Variants in MON2 observed in about 807,000 individuals in gnomAD.
The protein encoded by MON2 is MON2 regulator of endosome-to-Golgi trafficking.
A neutral mutation model predicts 208.6 loss-of-function variants in MON2; 84 were observed. The ratio of observed to expected loss-of-function variants is 0.40; its 90% CI spans 0.34 to 0.48. The LOEUF (loss-of-function observed/expected upper bound fraction) is 0.48, where lower values mean the gene tolerates loss of function less well. MON2 is among the 20% of genes least tolerant of loss of function. The pLI is 0.59. For synonymous variants in MON2, 660 were observed against 694.0 expected (o/e 0.95, Z 0.77); for missense variants, 1,611 against 2,015.4 (o/e 0.80, Z 3.84).
chr12:62,568,514 T>A (rs1359827917), intron 29 of MON2, among the ~76,000 whole-genome samples: 1 of 152,100 alleles, frequency 6.6e-6, no homozygotes, highest in Admixed American at 6.6e-5. Context: ...GATTTTTAAA[T>A]TTTTTATAGA....
rs1280781511 is a variant in MON2, at chr12:62,506,784, G to A, written c.790-1502G>A. Among the ~76,000 whole-genome samples the A allele has an allele frequency of 2.0e-5, 3 of 151,798 alleles. No homozygotes were observed. The East Asian group carries it at 5.8e-4, about 29-fold the overall frequency. The stretch of plus-strand genomic sequence containing the variant: ...TGATTCTGAGCAAACAACCTGCTCT[G>A]TGCCTTATTTTCCTTCTCTGTAAGA... On this transcript the variant is annotated intron_variant, in intron 7 of 34. Coordinates refer to ENST00000393630, the MANE Select transcript of MON2 (RefSeq NM_015026.3).
intron 29 of MON2, among the ~76,000 whole-genome samples, chr12:62,569,577 C>A (rs2074509712): frequency 1.3e-5 from 2 of 152,180 alleles, no homozygotes; most frequent in African/African-American, 2.4e-5. Context: ...TTCCTGCATA[C>A]ACACATTCAC....
intron 8 of MON2, 160 bp downstream of exon 8, chr12:62,508,640 C>CT (rs1368066365): frequency 6.6e-6 from 4 of 606,404 alleles, no homozygotes; most frequent in Non-Finnish European, 1.2e-5. Flanking sequence ...TTGTTCTATC[C>CT]TTTCTTGAAT....
chr12:62,529,220 A>G (rs75561492), intron 11 of MON2, among the ~76,000 whole-genome samples: 70 of 152,338 alleles, frequency 4.6e-4, no homozygotes, highest in Non-Finnish European at 8.8e-4. Flanking sequence ...TTAAAAGCTC[A>G]AGAGTTGACA....
chr12:62,532,566 T>A lies in MON2; in HGVS notation c.1529T>A (p.Leu510His). The change falls in exon 12 of 35, where the codon CTT becomes CAT. Residue 510 changes from leucine (L) to histidine (H), a missense_variant. Coordinates refer to ENST00000393630, the MANE Select transcript of MON2 (RefSeq NM_015026.3). ...TSMIEGELGE[L>H]ETECQTTTEE... ...ATGATTGAAGGAGAGCTAGGAGAGCTTGAAACAGAATGTCAAACCACCACT... is the reference window on the plus strand; with the variant it reads ...ATGATTGAAGGAGAGCTAGGAGAGCATGAAACAGAATGTCAAACCACCACT... The A allele has an allele frequency of 6.2e-7, 1 of 1,614,084 alleles. No individual in the cohort carries two copies. Among genetic ancestry groups the A allele is most frequent in the Non-Finnish European group, 8.5e-7 (1 of 1,179,976 alleles).
At chr12:62,480,132 T>C (rs972338427) in intron 1 of MON2, among the ~76,000 whole-genome samples, 1 of 152,222 alleles carries the variant, frequency 6.6e-6, no homozygotes, top group African/African-American at 2.4e-5. Flanking sequence ...TAGAAACTTG[T>C]ATGTTAAAAA....
chr12:62,558,859 G>A (rs1218704157), intron 25 of MON2, among the ~76,000 whole-genome samples: 3 of 151,946 alleles, frequency 2.0e-5, no homozygotes, highest in African/African-American at 7.3e-5. Flanking sequence ...ACCATGCCCA[G>A]CTAATTTTTT....
chr12:62,538,561 C>T (rs2073087971), intron 19 of MON2, 56 bp downstream of exon 19: 4 of 1,153,342 alleles, frequency 3.5e-6, no homozygotes, highest in Non-Finnish European at 1.3e-6. Flanking sequence ...ATAAGATGTA[C>T]ATCCATTATG....
intron 29 of MON2, among the ~76,000 whole-genome samples, chr12:62,568,361 CAG>C (rs1182947285): frequency 2.6e-5 from 4 of 152,014 alleles, no homozygotes; most frequent in Non-Finnish European, 5.9e-5. Flanking sequence ...TTTTTAGAGA[CAG>C]AGTTTTATTC....
At position 62,502,742 on chromosome 12, in the gene MON2, G is replaced by A. The variant is rs932667228; in HGVS notation, c.789+1044G>A. ...AAAATCAAGTCAGTGACTTGCACAG[G>A]GTCCCTTAGTTATTAGGTCTTGAAC... On this transcript the variant is annotated intron_variant, in intron 7 of 34. Transcript: ENST00000393630. 5.3e-5 allele frequency among the ~76,000 whole-genome samples: 8 copies of A among 152,052 alleles called. 1 individual carries two copies. Among genetic ancestry groups the A allele is most frequent in the African/African-American group, 1.7e-4 (7 of 41,388 alleles).
intron 7 of MON2, among the ~76,000 whole-genome samples, chr12:62,505,643 G>A (rs1477594809): frequency 6.6e-6 from 1 of 152,076 alleles, no homozygotes; most frequent in Non-Finnish European, 1.5e-5. Flanking sequence ...CTCTTTGTGG[G>A]GCTGAGGCAG....
intron 8 of MON2, among the ~76,000 whole-genome samples, chr12:62,514,897 A>G (rs1264123012): frequency 6.6e-6 from 1 of 152,234 alleles, no homozygotes. Context: ...AACATCTCCA[A>G]TCATTAGAGA....
At chr12:62,516,955 A>G (rs1206542301) in intron 8 of MON2, among the ~76,000 whole-genome samples, 6 of 152,340 alleles carry the variant, frequency 3.9e-5, no homozygotes, top group African/African-American at 1.4e-4. Flanking sequence ...ATCAGTCACC[A>G]TGGAAAGTCA....
At chr12:62,506,469 T>C (rs1049923554) in intron 7 of MON2, among the ~76,000 whole-genome samples, 2 of 152,178 alleles carry the variant, frequency 1.3e-5, no homozygotes, top group African/African-American at 2.4e-5. Context: ...TAGTGGCTTA[T>C]GCCTGTAATC....
intron 2 of MON2, among the ~76,000 whole-genome samples, chr12:62,493,280 T>C (rs2070282505): frequency 6.6e-6 from 1 of 152,218 alleles, no homozygotes; most frequent in Non-Finnish European, 1.5e-5. Context: ...TTATTGCCAC[T>C]TAAAAACTTC....
intron 2 of MON2, among the ~76,000 whole-genome samples, chr12:62,487,031 C>T (rs766441105): frequency 3.9e-5 from 6 of 151,996 alleles, no homozygotes; most frequent in Non-Finnish European, 8.8e-5. Flanking sequence ...TTTACATCTC[C>T]CCTTCTTTTA....
intron 34 of MON2, among the ~76,000 whole-genome samples, chr12:62,592,344 A>G (rs2075422898): frequency 6.6e-6 from 1 of 152,188 alleles, no homozygotes. Context: ...TACCATTTAA[A>G]ATGTACTTTA....
At chr12:62,510,479 A>G (rs564333528) in intron 8 of MON2, among the ~76,000 whole-genome samples, 77 of 152,224 alleles carry the variant, frequency 5.1e-4, no homozygotes, top group Non-Finnish European at 9.8e-4. Flanking sequence ...GGACGTTTCA[A>G]CATACAAGAA....
intron 11 of MON2, among the ~76,000 whole-genome samples, chr12:62,530,293 T>A (rs2136208639): frequency 6.6e-6 from 1 of 150,738 alleles, no homozygotes; most frequent in Non-Finnish European, 1.5e-5. Context: ...TGCAGTGGTG[T>A]GATCTTGGCT....
Sources: allele counts gnomAD v4.1 joint callset (sites outside exome capture counted in the v4.1 genomes callset), GRCh38; gene constraint gnomAD v4.1.1; transcripts MANE v1.5; gene names NCBI Gene and HGNC (gene_info 2026-07-23, HGNC 2026-07-21).